The following PSD3 variants were observed in gnomAD, a reference collection of about 807,000 sequenced individuals.
PSD3 encodes the protein PH and SEC7 domain-containing protein 3.
In PSD3, 49 loss-of-function variants were observed where a neutral mutation model predicts 105.5. That is an observed-to-expected ratio of 0.46 (90% CI 0.37 to 0.59). The LOEUF (loss-of-function observed/expected upper bound fraction) is 0.59, where lower values mean the gene tolerates loss of function less well. PSD3 is among the 20% of genes least tolerant of loss of function. PSD3 has a pLI of 0.00. For missense variants in PSD3, 1,561 were observed against 1,263.8 expected (o/e 1.24, Z -3.57); for synonymous variants, 557 against 457.8 (o/e 1.22, Z -2.77).
chr8:18,823,795 C>T (rs1320160611), intron 4 of PSD3, among the ~76,000 whole-genome samples: 1 of 115,946 alleles, frequency 8.6e-6, no homozygotes, highest in African/African-American at 5.4e-5. Context: ...CACACACACA[C>T]ACACACACAC....
chr8:18,563,874 C>T (rs1010357286), intron 14 of PSD3, among the ~76,000 whole-genome samples: 1 of 152,100 alleles, frequency 6.6e-6, no homozygotes, highest in Non-Finnish European at 1.5e-5. Flanking sequence ...CATAAGATTA[C>T]TGGAAGAGAG....
At chr8:18,759,078 T>TCA (rs199628183) in intron 9 of PSD3, among the ~76,000 whole-genome samples, 9,517 of 148,460 alleles carry the variant, frequency 0.064, 652 homozygotes, top group East Asian at 0.28. Flanking sequence ...AACCCATTCT[T>TCA]CACACACACA....
In PSD3 at chr8:18,890,583, C is replaced by T. The variant is rs528883089; in HGVS notation, c.131-17850G>A. Among the ~76,000 whole-genome samples, 10 of 152,256 alleles carry T rather than the reference C, an allele frequency of 6.6e-5. No homozygotes were observed. In the East Asian group the frequency reaches 1.2e-3, roughly 18 times the overall value. Reference sequence around the variant, plus strand: ...ATTTAACTTATAAAGGGTATACATACGACCCTCCCGGTAAGCTCGTTGGGA... The same window carrying T: ...ATTTAACTTATAAAGGGTATACATATGACCCTCCCGGTAAGCTCGTTGGGA... On this transcript the variant is annotated intron_variant, in intron 2 of 15. Transcript: ENST00000327040.
At chr8:19,074,611 A>ATATATATATAT (rs1324257417) in intron 1 of PSD3, among the ~76,000 whole-genome samples, 8 of 24,218 alleles carry the variant, frequency 3.3e-4, no homozygotes, top group Admixed American at 6.8e-4. Context: ...ATATATATAT[A>ATATATATATAT]TTTTTTTTTT....
chr8:18,947,619 T>A (rs1822950692), intron 1 of PSD3, among the ~76,000 whole-genome samples: 1 of 152,156 alleles, frequency 6.6e-6, no homozygotes, highest in South Asian at 2.1e-4. Flanking sequence ...TCGACACACA[T>A]GTGAAGGCAG....
chr8:18,896,896 C>T (rs12544924), intron 2 of PSD3, among the ~76,000 whole-genome samples: 7,069 of 151,936 alleles, frequency 0.047, 197 homozygotes, highest in Admixed American at 0.081. Flanking sequence ...CCACAACCTC[C>T]GCCTCCCAGG....
intron 10 of PSD3, among the ~76,000 whole-genome samples, chr8:18,638,564 A>G (rs1404726325): frequency 2.0e-5 from 3 of 152,110 alleles, no homozygotes; most frequent in African/African-American, 4.8e-5. Flanking sequence ...AAAAACAAGT[A>G]GGAATAAATT....
intron 2 of PSD3, among the ~76,000 whole-genome samples, chr8:18,909,466 T>C (rs1820061765): frequency 2.0e-5 from 3 of 152,106 alleles, no homozygotes; most frequent in Admixed American, 6.6e-5. Flanking sequence ...TTTTTCTTCT[T>C]CTTATTATTA....
At chr8:18,787,935 G>A (rs1370151855) in intron 8 of PSD3, among the ~76,000 whole-genome samples, 1 of 152,156 alleles carries the variant, frequency 6.6e-6, no homozygotes, top group Non-Finnish European at 1.5e-5. Flanking sequence ...GTAAATTTCT[G>A]TAAAGGACCA....
chr8:18,748,639 G>A (rs557699237), intron 9 of PSD3, among the ~76,000 whole-genome samples: 78 of 138,500 alleles, frequency 5.6e-4, no homozygotes, highest in African/African-American at 2.0e-3. Flanking sequence ...CAGCCTGGGC[G>A]ACAGAGCGAG....
intron 11 of PSD3, among the ~76,000 whole-genome samples, chr8:18,630,176 A>G (rs960979216): frequency 1.6e-4 from 25 of 151,560 alleles, no homozygotes; most frequent in Non-Finnish European, 2.9e-5. Context: ...AGCAGGACGA[A>G]CTTCCTAACT....
At chr8:18,696,211 C>T (rs1801251186) in intron 9 of PSD3, among the ~76,000 whole-genome samples, 1 of 152,248 alleles carries the variant, frequency 6.6e-6, no homozygotes, top group African/African-American at 2.4e-5. Flanking sequence ...CCGTCCGTTC[C>T]TCTCTGCCCA....
intron 2 of PSD3, among the ~76,000 whole-genome samples, chr8:18,891,617 GCA>G (rs1213818572): frequency 6.6e-6 from 1 of 150,978 alleles, no homozygotes; most frequent in African/African-American, 2.5e-5. Flanking sequence ...TCCAACACCT[GCA>G]CCTCCGAGAG....
At chr8:18,819,715 A>G (rs1812528578) in intron 4 of PSD3, among the ~76,000 whole-genome samples, 1 of 151,100 alleles carries the variant, frequency 6.6e-6, no homozygotes, top group Non-Finnish European at 1.5e-5. Context: ...AGTAGCTAGG[A>G]CTGCAGGCGC....
At chr8:18,795,887 T>C (rs1810133200) in intron 8 of PSD3, among the ~76,000 whole-genome samples, 1 of 152,180 alleles carries the variant, frequency 6.6e-6, no homozygotes, top group Admixed American at 6.5e-5. Flanking sequence ...GTTGAAACAA[T>C]ATTCAATAAA....
At chr8:18,651,935 G>C (rs1808512105) in intron 10 of PSD3, among the ~76,000 whole-genome samples, 1 of 152,154 alleles carries the variant, frequency 6.6e-6, no homozygotes. Context: ...TTAAAGTACA[G>C]GGAAGATTGG....
At chr8:18,888,838 G>T (rs974527487) in intron 2 of PSD3, among the ~76,000 whole-genome samples, 6 of 152,158 alleles carry the variant, frequency 3.9e-5, no homozygotes, top group African/African-American at 7.2e-5. Context: ...CTTCCAAGGG[G>T]AGGAAAGAGT....
At chr8:18,645,402 T>C (rs1214121751) in intron 10 of PSD3, among the ~76,000 whole-genome samples, 1 of 152,218 alleles carries the variant, frequency 6.6e-6, no homozygotes, top group East Asian at 1.9e-4. Context: ...GTCTCAACTC[T>C]TTAGTTCAAT....
chr8:18,941,452 G>A (rs1372834835), intron 1 of PSD3, among the ~76,000 whole-genome samples: 3 of 152,012 alleles, frequency 2.0e-5, no homozygotes, highest in East Asian at 1.9e-4. Flanking sequence ...TTTTCCTTGT[G>A]ATAAAATTAC....
Sources: gnomAD v4.1 joint callset for allele counts (sites outside exome capture counted in the v4.1 genomes callset) on GRCh38, gnomAD v4.1.1 for gene constraint, MANE v1.5 for transcripts, NCBI Gene and HGNC (gene_info 2026-07-23, HGNC 2026-07-21) for gene names.